The following BLVRB variants were observed in gnomAD, a reference collection of about 807,000 sequenced individuals.
The protein encoded by BLVRB is flavin reductase (NADPH).
BLVRB carries 25 observed loss-of-function variants against 21.1 expected under a neutral mutation model. That is an observed-to-expected ratio of 1.19 (90% confidence interval 0.86 to 1.66). BLVRB has a LOEUF of 1.66. BLVRB is among the 40% of genes most tolerant of loss of function. The pLI, the probability that BLVRB is intolerant of heterozygous loss-of-function variation, is 0.00. For synonymous variants in BLVRB, 128 were observed against 122.2 expected (o/e 1.05, Z -0.31); for missense variants, 274 against 282.7 (o/e 0.97, Z 0.22).
At chr19:40,459,063 C>A (rs2079775198) in intron 1 of BLVRB, among the ~76,000 whole-genome samples, 1 of 151,594 alleles carries the variant, frequency 6.6e-6, no homozygotes, top group Non-Finnish European at 1.5e-5. Context: ...GGCATGGTGG[C>A]TCACGCCTGT....
At chr19:40,457,970 A>C in intron 3 of BLVRB, 185 bp downstream of exon 3, 1 of 581,750 alleles carries the variant, frequency 1.7e-6, no homozygotes, top group Non-Finnish European at 3.1e-6. Flanking sequence ...TTGTGTGAGC[A>C]GGGCCCAGGG....
chr19:40,453,184 T>G (rs2079748509), intron 3 of BLVRB, among the ~76,000 whole-genome samples: 1 of 152,218 alleles, frequency 6.6e-6, no homozygotes, highest in Admixed American at 6.5e-5. Context: ...ATGCTGCGAT[T>G]ACAGGTGTGA....
At chr19:40,457,216 A>AT (rs1420533689) in intron 3 of BLVRB, among the ~76,000 whole-genome samples, 14 of 151,662 alleles carry the variant, frequency 9.2e-5, no homozygotes, top group East Asian at 3.9e-4. Flanking sequence ...TTACTCGTGT[A>AT]TTACTTTTCC....
Position 40,460,550 on chromosome 19 carries a change from G to A in BLVRB, c.80-2005C>T, listed in dbSNP as rs1242644655. Among the ~76,000 whole-genome samples the A allele has an allele frequency of 4.6e-5, 7 of 151,354 alleles. No individual in the cohort carries two copies. In the South Asian group the frequency reaches 1.3e-3, roughly 27 times the overall value. On this transcript the variant is annotated intron_variant, in intron 1 of 4. Transcript: ENST00000263368. ...GGTGGCTGAGGCTGTAGTGAGCTATGATTGTACCACTGCACTCCAGCCTGG... is the reference window on the plus strand; with the variant it reads ...GGTGGCTGAGGCTGTAGTGAGCTATAATTGTACCACTGCACTCCAGCCTGG...
chr19:40,465,733 G>A lies in BLVRB; in HGVS notation c.-45C>T. ...GCAAGGCCTCAGAGTCTCGGCACGC[G>A]CGGGAACCCACTGGCTGCTGGGCGG... On this transcript the variant is annotated 5_prime_UTR_variant, in exon 1 of 5. Coordinates refer to ENST00000263368, the MANE Select transcript of BLVRB (RefSeq NM_000713.3). The A allele has an allele frequency of 6.3e-7, 1 of 1,595,002 alleles. No homozygotes were observed.
At chr19:40,464,295 C>T (rs60805519) in intron 1 of BLVRB, among the ~76,000 whole-genome samples, 56,133 of 151,488 alleles carry the variant, frequency 0.37, 11,033 homozygotes, top group African/African-American at 0.5. Context: ...GGTCTTGCTA[C>T]GTTGCCCAGG....
At chr19:40,458,120 C>A in intron 3 of BLVRB, 35 bp downstream of exon 3, 3 of 1,601,612 alleles carry the variant, frequency 1.9e-6, no homozygotes, top group Admixed American at 1.7e-5. Flanking sequence ...CAGTACCCCC[C>A]AGTTCAGCCC....
At chr19:40,448,089 T>TGGCCGGGCGCGGTGGC in intron 4 of BLVRB, 43 bp from the exon 5 acceptor site, 1 of 1,578,676 alleles carries the variant, frequency 6.3e-7, no homozygotes, top group South Asian at 1.1e-5. Flanking sequence ...GCAGACACCT[T>TGGCCGGGCGCGGTGGC]TCCCTTCCCC....
intron 1 of BLVRB, among the ~76,000 whole-genome samples, chr19:40,461,103 G>C (rs1043862131): frequency 1.3e-5 from 2 of 152,118 alleles, no homozygotes; most frequent in Non-Finnish European, 2.9e-5. Flanking sequence ...GGCTGGTCTC[G>C]AACTCCTGGA....
intron 4 of BLVRB, 79 bp downstream of exon 4, chr19:40,451,285 A>T: frequency 1.9e-6 from 3 of 1,547,774 alleles, no homozygotes; most frequent in African/African-American, 2.7e-5. Flanking sequence ...GTGGTCAGGG[A>T]AGGCCTTGCA....
chr19:40,458,842 AC>A (rs2079774443), intron 1 of BLVRB, among the ~76,000 whole-genome samples: 1 of 151,966 alleles, frequency 6.6e-6, no homozygotes, highest in African/African-American at 2.4e-5. Flanking sequence ...CACAGTGTGC[AC>A]CACCACACCC....
intron 4 of BLVRB, among the ~76,000 whole-genome samples, chr19:40,448,610 T>TAACAACA (rs1568735621): frequency 0.26 from 7,216 of 27,738 alleles, 217 homozygotes; most frequent in Non-Finnish European, 0.28. Flanking sequence ...CAACAACAAA[T>TAACAACA]ATATATATAT....
chr19:40,450,050 T>G (rs1248173726), intron 4 of BLVRB, among the ~76,000 whole-genome samples: 1 of 149,264 alleles, frequency 6.7e-6, no homozygotes, highest in Non-Finnish European at 1.5e-5. Flanking sequence ...ATACAAAAAT[T>G]AGCTGGGCGT....
chr19:40,453,874 G>A (rs2079750973), intron 3 of BLVRB, among the ~76,000 whole-genome samples: 1 of 152,072 alleles, frequency 6.6e-6, no homozygotes, highest in Non-Finnish European at 1.5e-5. Flanking sequence ...GGTCTTAGCT[G>A]CTTAGAAGGC....
chr19:40,448,192 G>A, intron 4 of BLVRB, 146 bp from the exon 5 acceptor site: 1 of 780,406 alleles, frequency 1.3e-6, no homozygotes, highest in South Asian at 1.8e-5. Context: ...TCCATATGCA[G>A]GTGCTCATCT....
At chr19:40,448,501 G>A (rs2079724024) in intron 4 of BLVRB, among the ~76,000 whole-genome samples, 1 of 151,620 alleles carries the variant, frequency 6.6e-6, no homozygotes, top group Non-Finnish European at 1.5e-5. Context: ...TGAGGCTGGA[G>A]AATTGCTTGA....
At chr19:40,449,447 C>T (rs753396690) in intron 4 of BLVRB, among the ~76,000 whole-genome samples, 1 of 151,994 alleles carries the variant, frequency 6.6e-6, no homozygotes, top group Non-Finnish European at 1.5e-5. Flanking sequence ...GGTCTCACCA[C>T]GTTGGCCAGG....
intron 3 of BLVRB, among the ~76,000 whole-genome samples, chr19:40,452,890 CA>C (rs897817837): frequency 3.9e-4 from 36 of 93,396 alleles, no homozygotes; most frequent in Non-Finnish European, 6.6e-4. Context: ...CAAAACAAAA[CA>C]AAACAAAAAA....
At chr19:40,463,014 C>T (rs1338175081) in intron 1 of BLVRB, among the ~76,000 whole-genome samples, 2 of 149,454 alleles carry the variant, frequency 1.3e-5, no homozygotes, top group African/African-American at 4.9e-5. Context: ...TAATACTTAA[C>T]ATGTGATACA....
Sources: gnomAD v4.1 joint callset for allele counts (sites outside exome capture counted in the v4.1 genomes callset) on GRCh38, gnomAD v4.1.1 for gene constraint, MANE v1.5 for transcripts, NCBI Gene and HGNC (gene_info 2026-07-23, HGNC 2026-07-21) for gene names.